LARP1B: variants seen among roughly 807,000 people sequenced by gnomAD.
LARP1B encodes La ribonucleoprotein 1B, also known as la-related protein 1B.
In LARP1B, 76 loss-of-function variants were observed where a neutral mutation model predicts 114.2. The observed-to-expected ratio is 0.67, with a 90% confidence interval of 0.55 to 0.81. LARP1B has a LOEUF of 0.81. LARP1B is among the 30% of genes least tolerant of loss of function. The probability of loss-of-function intolerance (pLI) is 0.00; values close to 1 mark genes in which losing one functional copy is unlikely to be tolerated. For missense variants in LARP1B, 1,014 were observed against 1,075.8 expected, an observed-to-expected ratio of 0.94 and a Z score of 0.80; for synonymous variants, 345 against 348.0, an observed-to-expected ratio of 0.99 and a Z score of 0.10.
At chr4:128,144,864 T>A (rs1256598852) in intron 11 of LARP1B, among the ~76,000 whole-genome samples, 1 of 152,156 alleles carries the variant, frequency 6.6e-6, no homozygotes, top group Non-Finnish European at 1.5e-5. Context: ...TCATATATAT[T>A]TATAATAGTT....
At chr4:128,066,169 T>C (rs1339014525) in intron 1 of LARP1B, among the ~76,000 whole-genome samples, 9 of 139,998 alleles carry the variant, frequency 6.4e-5, no homozygotes, top group African/African-American at 2.1e-4. Flanking sequence ...TTTCTTCTTT[T>C]TTTTTTTTTT....
Position 128,220,401 on chromosome 4 carries a change from G to A in LARP1B, n.895G>A. 5 of 946,054 alleles carry A rather than the reference G, an allele frequency of 5.3e-6. No homozygotes were observed. The South Asian group carries it at 2.5e-4, about 46-fold the overall frequency. The allele number at this position is 946,054 out of a possible 1,614,324, so 58.6% of individuals were successfully genotyped here. A position where few individuals can be genotyped will look rare whatever the true frequency, so the allele number is the denominator to read the frequency against. ...TACCTAATTATATCACCATGAGATG[G>A]CAAAACGGAATGTCAGATCTGTAGA... is the stretch of plus-strand genomic sequence containing the variant. On this transcript the variant is annotated non_coding_transcript_exon_variant, in exon 7 of 8. Transcript: ENST00000503725.
intron 9 of LARP1B, among the ~76,000 whole-genome samples, chr4:128,110,521 C>T (rs1481297904): frequency 1.3e-5 from 2 of 148,704 alleles, no homozygotes; most frequent in Non-Finnish European, 3.0e-5. Context: ...ACTAAAAATA[C>T]AAAAAATTAG....
chr4:128,101,678 C>A (rs2149730523), intron 8 of LARP1B, among the ~76,000 whole-genome samples: 1 of 151,482 alleles, frequency 6.6e-6, no homozygotes, highest in East Asian at 1.9e-4. Context: ...TGGAGTTTCA[C>A]CACGTTGGCC....
chr4:128,178,408 T>C, intron 13 of LARP1B, 23 bp from the exon 14 acceptor site: 1 of 1,530,388 alleles, frequency 6.5e-7, no homozygotes, highest in Non-Finnish European at 9.0e-7. Context: ...TCTAAATAAT[T>C]TTAAGAGTTT....
chr4:128,192,387 A>T (rs1752577019), intron 15 of LARP1B, among the ~76,000 whole-genome samples: 1 of 152,206 alleles, frequency 6.6e-6, no homozygotes, highest in Non-Finnish European at 1.5e-5. Flanking sequence ...CATCCTGATG[A>T]ACCCTTTGTA....
At chr4:128,064,161 A>G (rs1055623546) in intron 1 of LARP1B, among the ~76,000 whole-genome samples, 2 of 149,846 alleles carry the variant, frequency 1.3e-5, no homozygotes, top group African/African-American at 4.9e-5. Flanking sequence ...AATACCAGCT[A>G]CTCAGGAGGT....
chr4:128,201,562 A>T (rs1452500141), intron 17 of LARP1B, among the ~76,000 whole-genome samples: 1 of 152,204 alleles, frequency 6.6e-6, no homozygotes. Flanking sequence ...TGAACTACAT[A>T]TTCTTCAAAT....
chr4:128,071,848 G>A (rs552944765), intron 1 of LARP1B, among the ~76,000 whole-genome samples: 3 of 152,128 alleles, frequency 2.0e-5, no homozygotes, highest in Non-Finnish European at 4.4e-5. Flanking sequence ...ATGGTCATAA[G>A]AATTAAGCTG....
intron 12 of LARP1B, among the ~76,000 whole-genome samples, chr4:128,170,388 C>T (rs1743045868): frequency 6.6e-6 from 1 of 152,148 alleles, no homozygotes; most frequent in African/African-American, 2.4e-5. Flanking sequence ...TATATCTTTG[C>T]TGATTTTTTG....
chr4:128,155,927 A>AG (rs1735390489), intron 11 of LARP1B: 17 of 1,536,058 alleles, frequency 1.1e-5, no homozygotes, highest in Non-Finnish European at 1.4e-5. Context: ...GGAGCCAAGG[A>AG]GGGGTACACA....
intron 8 of LARP1B, among the ~76,000 whole-genome samples, chr4:128,098,768 T>TATA (rs58280279): frequency 0.024 from 454 of 18,580 alleles, 3 homozygotes; most frequent in Admixed American, 0.034. Flanking sequence ...TATATATATA[T>TATA]TTTTTTTTTT....
At chr4:128,081,127 A>G (rs991560227) in intron 4 of LARP1B, among the ~76,000 whole-genome samples, 29 of 148,040 alleles carry the variant, frequency 2.0e-4, no homozygotes, top group African/African-American at 7.3e-4. Context: ...CACCCAGGCT[A>G]GAGTGCAGTG....
At chr4:128,122,694 A>T (rs1788410924) in intron 11 of LARP1B, 2 of 1,312,004 alleles carry the variant, frequency 1.5e-6, no homozygotes, top group Non-Finnish European at 9.7e-7. Context: ...GACAAACTAT[A>T]AATGACTAAA....
rs561520075 is a variant in LARP1B at position 128,115,381 on chromosome 4, G to A, written c.1161+639G>A. ...AGTTCGGGGCCCCCTGGGCAACATA[G>A]GGTGACCCTGTCTCTACAAATAATT... On this transcript the variant is annotated intron_variant, in intron 10 of 19. Coordinates refer to ENST00000326639, the MANE Select transcript of LARP1B (RefSeq NM_018078.4). Among the ~76,000 whole-genome samples, 8 of 152,296 alleles carry A rather than the reference G, an allele frequency of 5.3e-5. No individual in the cohort carries two copies. The South Asian group carries it at 1.2e-3, about 24-fold the overall frequency.
intron 5 of LARP1B, among the ~76,000 whole-genome samples, chr4:128,088,985 AG>A (rs1325585510): frequency 6.6e-6 from 1 of 152,106 alleles, no homozygotes; most frequent in Non-Finnish European, 1.5e-5. Context: ...TGTTTGAAAA[AG>A]ACTGTTTTAG....
At position 128,092,946 on chromosome 4, in the gene LARP1B, G is replaced by A. The variant is rs966392539; in HGVS notation, c.668+1434G>A. ...CATGTCAGGATAATCGGCCTCCAGTGTGCTCATACAAGTGAGGGAGGAGCA... is the reference window on the plus strand; with the variant it reads ...CATGTCAGGATAATCGGCCTCCAGTATGCTCATACAAGTGAGGGAGGAGCA... On this transcript the variant is annotated intron_variant, in intron 7 of 19. Transcript: ENST00000326639. 4 of 985,302 alleles carry A rather than the reference G, an allele frequency of 4.1e-6. No homozygotes were observed. In the South Asian group the frequency reaches 1.4e-4, roughly 35 times the overall value. 61.0% of individuals were successfully genotyped at this position (985,302 alleles called of 1,614,324 possible).
intron 1 of LARP1B, among the ~76,000 whole-genome samples, chr4:128,062,401 A>G (rs139107338): frequency 6.6e-6 from 1 of 152,272 alleles, no homozygotes; most frequent in Non-Finnish European, 1.5e-5. Context: ...AGACATGGGC[A>G]TCTGGGAAGG....
At chr4:128,147,649 T>C (rs1203764512) in intron 11 of LARP1B, among the ~76,000 whole-genome samples, 1 of 152,196 alleles carries the variant, frequency 6.6e-6, no homozygotes, top group African/African-American at 2.4e-5. Flanking sequence ...AGAAAGTGGA[T>C]TGAAGAGTAC....
Sources: gnomAD v4.1 joint callset for allele counts (sites outside exome capture counted in the v4.1 genomes callset) on GRCh38, gnomAD v4.1.1 for gene constraint, MANE v1.5 for transcripts, NCBI Gene and HGNC (gene_info 2026-07-23, HGNC 2026-07-21) for gene names.